The following LTBP2 variants were observed in gnomAD, a reference collection of about 807,000 sequenced individuals.
LTBP2 encodes latent transforming growth factor beta binding protein 2.
In LTBP2, 103 loss-of-function variants were observed where a neutral mutation model predicts 210.6. The ratio of observed to expected loss-of-function variants is 0.49; its 90% confidence interval spans 0.42 to 0.58. The LOEUF is 0.58. Among genes scored for constraint, LTBP2 ranks in the 20% least tolerant of loss-of-function variants. The probability of loss-of-function intolerance (pLI) is 0.00; values close to 1 mark genes in which losing one functional copy is unlikely to be tolerated. For missense variants in LTBP2, 2,313 were observed against 2,494.5 expected, an observed-to-expected ratio of 0.93 and a Z score of 1.55; for synonymous variants, 1,007 against 1,015.0, an observed-to-expected ratio of 0.99 and a Z score of 0.15.
intron 3 of LTBP2, among the ~76,000 whole-genome samples, chr14:74,560,777 A>C (rs2087783846): frequency 6.6e-6 from 1 of 152,250 alleles, no homozygotes; most frequent in South Asian, 2.1e-4. Flanking sequence ...AAATAATACA[A>C]ATAAAAATTA....
intron 13 of LTBP2, among the ~76,000 whole-genome samples, chr14:74,526,779 GGAA>G (rs2087278787): frequency 6.6e-6 from 1 of 152,162 alleles, no homozygotes; most frequent in South Asian, 2.1e-4. Context: ...GGCTGATGAG[GGAA>G]GAAGCAGATC....
At chr14:74,536,217 G>C (rs912815130) in intron 8 of LTBP2, among the ~76,000 whole-genome samples, 1 of 152,196 alleles carries the variant, frequency 6.6e-6, no homozygotes, top group Non-Finnish European at 1.5e-5. Context: ...AGTGAAATAA[G>C]ACAGGCACAG....
chr14:74,523,949 G>C (rs1358433329), intron 15 of LTBP2, among the ~76,000 whole-genome samples: 1 of 152,142 alleles, frequency 6.6e-6, no homozygotes, highest in Non-Finnish European at 1.5e-5. Context: ...CCCCGGGCCT[G>C]GCTCTAAGTT....
rs372413527 is a variant in LTBP2 at position 74,603,604 on chromosome 14, C to T, written c.565+31G>A. 161 of 1,610,170 alleles carry T rather than the reference C, an allele frequency of 1.0e-4. 2 individuals carry two copies. The African/African-American group carries it at 1.8e-3, about 18-fold the overall frequency. ...GAATGGCACTTCACGTTTGATAGAG[C>T]GGAGTGTCTGCTACTGGTGGAGGCA... On this transcript the variant is annotated intron_variant, in intron 2 of 35. Coordinates refer to ENST00000261978, the MANE Select transcript of LTBP2 (RefSeq NM_000428.3).
chr14:74,594,233 G>A (rs917600009), intron 2 of LTBP2, among the ~76,000 whole-genome samples: 3 of 152,132 alleles, frequency 2.0e-5, no homozygotes, highest in Non-Finnish European at 4.4e-5. Flanking sequence ...CCCGGGCAAG[G>A]CGTTTGTCAT....
At chr14:74,598,141 G>A (rs766795533) in intron 2 of LTBP2, among the ~76,000 whole-genome samples, 3 of 152,208 alleles carry the variant, frequency 2.0e-5, no homozygotes, top group Non-Finnish European at 4.4e-5. Flanking sequence ...TGAACTCAGG[G>A]AGCCTGACTC....
At chr14:74,504,405 CAG>C (rs1214715150) in intron 30 of LTBP2, among the ~76,000 whole-genome samples, 1 of 151,986 alleles carries the variant, frequency 6.6e-6, no homozygotes, top group Non-Finnish European at 1.5e-5. Flanking sequence ...GTGTGTTCCC[CAG>C]AGTTTCTGGC....
chr14:74,538,085 C>G (rs55826348), intron 8 of LTBP2, among the ~76,000 whole-genome samples: 1 of 152,004 alleles, frequency 6.6e-6, no homozygotes, highest in Admixed American at 6.6e-5. Context: ...GAAATGAATT[C>G]TTGCAAATAC....
chr14:74,602,840 G>A (rs1468775533), intron 2 of LTBP2, among the ~76,000 whole-genome samples: 4 of 152,256 alleles, frequency 2.6e-5, no homozygotes, highest in Admixed American at 6.5e-5. Flanking sequence ...ATGGGTCACA[G>A]TGTCATCTGA....
chr14:74,503,082 T>C (rs2086932783), intron 33 of LTBP2, 137 bp downstream of exon 33: 1 of 1,491,666 alleles, frequency 6.7e-7, no homozygotes, highest in South Asian at 1.2e-5. Context: ...TGCCCTACTT[T>C]GTCCCCAAAC....
intron 2 of LTBP2, among the ~76,000 whole-genome samples, chr14:74,597,216 C>T (rs983085954): frequency 4.6e-5 from 7 of 152,118 alleles, no homozygotes; most frequent in African/African-American, 1.2e-4. Flanking sequence ...CAGAGTGAGC[C>T]CCGGGCATTA....
chr14:74,511,010 G>A (rs1314942844), intron 19 of LTBP2, among the ~76,000 whole-genome samples: 1 of 152,232 alleles, frequency 6.6e-6, no homozygotes, highest in Non-Finnish European at 1.5e-5. Context: ...ACTTTGGGCA[G>A]TCACTCCAGA....
At chr14:74,511,895 G>C (rs2087076688) in intron 18 of LTBP2, among the ~76,000 whole-genome samples, 1 of 152,228 alleles carries the variant, frequency 6.6e-6, no homozygotes, top group South Asian at 2.1e-4. Flanking sequence ...AGTGCAGACT[G>C]TAGGGTAGAG....
intron 8 of LTBP2, among the ~76,000 whole-genome samples, chr14:74,543,821 G>GC (rs967725309): frequency 6.6e-6 from 1 of 152,162 alleles, no homozygotes; most frequent in Non-Finnish European, 1.5e-5. Context: ...GACCAGTGGG[G>GC]CCCCCCAGTG....
chr14:74,582,077 T>A lies in LTBP2; in HGVS notation c.830+3777A>T, dbSNP rs1455817963. Among the ~76,000 whole-genome samples the A allele has an allele frequency of 2.0e-5, 3 of 147,484 alleles. No homozygotes were observed. In the East Asian group the frequency reaches 6.3e-4, roughly 31 times the overall value. On this transcript the variant is annotated intron_variant, in intron 3 of 35. Coordinates refer to ENST00000261978, the MANE Select transcript of LTBP2 (RefSeq NM_000428.3). Reference sequence around the variant, plus strand: ...TCTTGTCACCCCAGCTGGAGTGCAATGGTGCCATCTCAGCTCACTGCAACC... The same window carrying A: ...TCTTGTCACCCCAGCTGGAGTGCAAAGGTGCCATCTCAGCTCACTGCAACC...
At chr14:74,527,409 T>C (rs1252293299) in intron 12 of LTBP2, 43 bp from the exon 13 acceptor site, 2 of 1,596,004 alleles carry the variant, frequency 1.3e-6, no homozygotes, top group Non-Finnish European at 1.7e-6. Context: ...GAGGAGGGTC[T>C]GGCTGCCTTC....
intron 8 of LTBP2, among the ~76,000 whole-genome samples, chr14:74,540,851 TATATATTATATATATTTATATATATA>T: frequency 3.1e-5 from 2 of 63,550 alleles, no homozygotes; most frequent in Non-Finnish European, 7.0e-5. Flanking sequence ...ATATATATTA[TATATATTATATATATTTATATATATA>T]ATATATATAT....
intron 8 of LTBP2, among the ~76,000 whole-genome samples, chr14:74,540,877 A>ATATATATAATATATATATTTAAT (rs1491410493): frequency 1.3e-5 from 1 of 79,530 alleles, no homozygotes; most frequent in Non-Finnish European, 2.4e-5. Flanking sequence ...TTATATATAT[A>ATATATATAATATATATATTTAAT]ATATATATAT....
At chr14:74,513,432 G>A (rs2087096314) in intron 18 of LTBP2, among the ~76,000 whole-genome samples, 1 of 152,238 alleles carries the variant, frequency 6.6e-6, no homozygotes, top group African/African-American at 2.4e-5. Context: ...TATTCCTTTA[G>A]CCTACATCTC....
Sources: allele counts gnomAD v4.1 joint callset (sites outside exome capture counted in the v4.1 genomes callset), GRCh38; gene constraint gnomAD v4.1.1; transcripts MANE v1.5; gene names NCBI Gene and HGNC (gene_info 2026-07-23, HGNC 2026-07-21).